The following SNRNP48 variants were observed in gnomAD, a reference collection of about 807,000 sequenced individuals.
SNRNP48 encodes the protein small nuclear ribonucleoprotein U11/U12 subunit 48, also known as U11/U12 small nuclear ribonucleoprotein 48 kDa protein.
A neutral mutation model predicts 47.0 loss-of-function variants in SNRNP48; 43 were observed. The observed-to-expected ratio is 0.92, with a 90% CI of 0.72 to 1.18. The LOEUF is 1.18. Among genes scored for constraint, SNRNP48 ranks in the 50% most tolerant of loss-of-function variants. SNRNP48 has a pLI of 0.00. For synonymous variants in SNRNP48, 138 were observed against 144.0 expected (o/e 0.96, Z 0.30); for missense variants, 396 against 422.2 (o/e 0.94, Z 0.54).
intron 3 of SNRNP48, 40 bp from the exon 4 acceptor site, chr6:7,594,987 T>G: frequency 6.6e-7 from 1 of 1,514,202 alleles, no homozygotes; most frequent in Non-Finnish European, 9.0e-7. Flanking sequence ...TGGTCACTGA[T>G]GATTCATATT....
Position 7,609,002 on chromosome 6 carries a change from A to G in SNRNP48, c.*129A>G. On this transcript the variant is annotated 3_prime_UTR_variant, in exon 9 of 9. Transcript: ENST00000342415. Reference sequence around the variant, plus strand: ...TTTAGTGCTTATTATTTTTTTTATGATCTGTTTAGTGCTTATTATTTTCCA... The same window carrying G: ...TTTAGTGCTTATTATTTTTTTTATGGTCTGTTTAGTGCTTATTATTTTCCA... The G allele has an allele frequency of 2.2e-6, 1 of 447,878 alleles. No individual in the cohort carries two copies. The highest frequency in any genetic ancestry group is 3.9e-6 in the Non-Finnish European group (1 of 257,918). The allele number at this position is 447,878 out of a possible 1,614,324, so 27.7% of individuals were successfully genotyped here. A position where few individuals can be genotyped will look rare whatever the true frequency, so the allele number is the denominator to read the frequency against.
chr6:7,590,365 G>C lies in SNRNP48; in HGVS notation c.108G>C (p.Leu36=). Residue 36 remains leucine, a synonymous_variant, in exon 1 of 9, where the codon CTG becomes CTC. Coordinates refer to ENST00000342415, the MANE Select transcript of SNRNP48 (RefSeq NM_152551.4). ...CGTTGGAGGAGGTGACCGCGTCCCT[G>C]GGCTGGGACCTAGATAGTCTGGATC... ...CRTLEEVTAS[L]GWDLDSLDPG... is the part of the protein sequence containing the mutation. 3 of 1,379,344 alleles carry C rather than the reference G, an allele frequency of 2.2e-6. No individual in the cohort carries two copies. Among genetic ancestry groups the C allele is most frequent in the Non-Finnish European group, 2.8e-6 (3 of 1,053,392 alleles). 85.4% of individuals were successfully genotyped at this position (1,379,344 alleles called of 1,614,324 possible).
At chr6:7,597,835 T>C (rs1391756165) in intron 4 of SNRNP48, among the ~76,000 whole-genome samples, 1 of 151,886 alleles carries the variant, frequency 6.6e-6, no homozygotes, top group Admixed American at 6.6e-5. Flanking sequence ...TTACACTATC[T>C]TAAATTAAGA....
chr6:7,597,534 A>G (rs1759924855), intron 4 of SNRNP48, among the ~76,000 whole-genome samples: 2 of 152,196 alleles, frequency 1.3e-5, no homozygotes, highest in Admixed American at 1.3e-4. Flanking sequence ...AGTTGTTGAG[A>G]GGAACAGAGA....
At chr6:7,600,195 T>C in intron 4 of SNRNP48, 1 of 987,060 alleles carries the variant, frequency 1.0e-6, no homozygotes, top group South Asian at 4.7e-5. Context: ...TGTATAGCCG[T>C]GTTAAACCAT....
intron 4 of SNRNP48, among the ~76,000 whole-genome samples, chr6:7,596,044 A>T (rs778770976): frequency 9.2e-5 from 14 of 152,206 alleles, no homozygotes; most frequent in Non-Finnish European, 1.8e-4. Context: ...CAGGTGGATC[A>T]TCTGAGGTCA....
chr6:7,596,255 GACTCC>G (rs1759903097), intron 4 of SNRNP48, among the ~76,000 whole-genome samples: 1 of 150,338 alleles, frequency 6.7e-6, no homozygotes, highest in Admixed American at 6.6e-5. Flanking sequence ...AACAGAGCGA[GACTCC>G]ATCTCAAAAA....
chr6:7,597,519 C>T (rs1287891535), intron 4 of SNRNP48, among the ~76,000 whole-genome samples: 1 of 151,844 alleles, frequency 6.6e-6, no homozygotes, highest in African/African-American at 2.4e-5. Flanking sequence ...ACAAAACTCT[C>T]ATAGAGTTGT....
At chr6:7,597,085 C>G (rs1485339904) in intron 4 of SNRNP48, among the ~76,000 whole-genome samples, 3 of 152,160 alleles carry the variant, frequency 2.0e-5, no homozygotes, top group African/African-American at 7.2e-5. Flanking sequence ...TTATGAATTA[C>G]ATTTCTCTTT....
rs1436201749 is a variant in SNRNP48, at chr6:7,610,009, A to G, written c.*1136A>G. The G allele has an allele frequency of 6.6e-6, 1 of 152,200 alleles. No individual in the cohort carries two copies. The highest frequency in any genetic ancestry group is 1.9e-4 in the East Asian group (1 of 5,200). The allele number at this position is 152,200 out of a possible 1,614,324, so 9.4% of individuals were successfully genotyped here. A position where few individuals can be genotyped will look rare whatever the true frequency, so the allele number is the denominator to read the frequency against. On this transcript the variant is annotated 3_prime_UTR_variant, in exon 9 of 9. Coordinates refer to ENST00000342415, the MANE Select transcript of SNRNP48 (RefSeq NM_152551.4). Reference sequence around the variant, plus strand: ...AGAATTCATGTAAATAGAATACTGTAGTATGTACTTTGCCTTCTTCCTCTC... The same window carrying G: ...AGAATTCATGTAAATAGAATACTGTGGTATGTACTTTGCCTTCTTCCTCTC...
chr6:7,603,282 ATTAT>A (rs1326611277), intron 6 of SNRNP48, among the ~76,000 whole-genome samples: 2 of 152,132 alleles, frequency 1.3e-5, no homozygotes, highest in Non-Finnish European at 2.9e-5. Context: ...CTTGATATAC[ATTAT>A]TTATGTATTA....
chr6:7,597,727 C>T (rs1759928245), intron 4 of SNRNP48, among the ~76,000 whole-genome samples: 3 of 152,042 alleles, frequency 2.0e-5, no homozygotes, highest in African/African-American at 7.2e-5. Context: ...GGACATTGAG[C>T]TTAGTTCTTT....
intron 1 of SNRNP48, among the ~76,000 whole-genome samples, chr6:7,590,729 G>A (rs2113711595): frequency 1.3e-5 from 2 of 152,350 alleles, no homozygotes; most frequent in East Asian, 3.9e-4. Context: ...TGTAATCCTA[G>A]CACTTTGAGA....
In SNRNP48 at chr6:7,602,694, C is replaced by T; in HGVS notation, c.667C>T (p.Gln223Ter). Residue 223 changes from glutamine (Q) to a stop codon, truncating the protein, a stop_gained, in exon 6 of 9, where the codon CAG (glutamine) becomes TAG (stop). Coordinates refer to ENST00000342415, the MANE Select transcript of SNRNP48 (RefSeq NM_152551.4). LOFTEE classifies it high-confidence loss of function. ...AEVRDYKRRR[Q>*]SYRAKNVHIT... Reference sequence around the variant, plus strand: ...AGTACGAGATTATAAAAGAAGACGCCAGTCCTATAGAGCCAAGAATGTTCA... The same window carrying T: ...AGTACGAGATTATAAAAGAAGACGCTAGTCCTATAGAGCCAAGAATGTTCA... The T allele has an allele frequency of 6.2e-7, 1 of 1,604,560 alleles. No individual in the cohort carries two copies. Among genetic ancestry groups the T allele is most frequent in the Non-Finnish European group, 8.5e-7 (1 of 1,175,896 alleles).
chr6:7,593,616 C>G, intron 1 of SNRNP48, 118 bp from the exon 2 acceptor site: 1 of 526,994 alleles, frequency 1.9e-6, no homozygotes, highest in Non-Finnish European at 3.1e-6. Flanking sequence ...TGAGAGAGGC[C>G]TGTAGAAGAG....
In SNRNP48 at chr6:7,609,012, T is replaced by C; in HGVS notation, c.*139T>C. On this transcript the variant is annotated 3_prime_UTR_variant, in exon 9 of 9. Coordinates refer to ENST00000342415, the MANE Select transcript of SNRNP48 (RefSeq NM_152551.4). ...ATTATTTTTTTTATGATCTGTTTAG[T>C]GCTTATTATTTTCCAGTAAATATGC... 2.5e-6 allele frequency: 1 copy of C among 402,382 alleles called. No homozygotes were observed. 24.9% of individuals were successfully genotyped at this position (402,382 alleles called of 1,614,324 possible).
chr6:7,606,535 T>C (rs1028939232), intron 8 of SNRNP48, among the ~76,000 whole-genome samples: 1 of 152,246 alleles, frequency 6.6e-6, no homozygotes, highest in Non-Finnish European at 1.5e-5. Context: ...CATTCCTTCC[T>C]TCCTCTTTCT....
Position 7,605,440 on chromosome 6 carries a change from A to T in SNRNP48, c.760A>T (p.Asn254Tyr). Residue 254 changes from asparagine (N) to tyrosine (Y), a missense_variant, in exon 7 of 9, where the codon AAT becomes TAT. Asn to Tyr is a moderately radical substitution (Grantham distance 143, BLOSUM62 -2). Coordinates refer to ENST00000342415, the MANE Select transcript of SNRNP48 (RefSeq NM_152551.4). ...VINVHMEELS[N>Y]HWQEEQEKAE... ...AAATGTGCACATGGAAGAACTCAGCAATCATTGGCAAGAAGAGCAAGAGAA... is the reference window on the plus strand; with the variant it reads ...AAATGTGCACATGGAAGAACTCAGCTATCATTGGCAAGAAGAGCAAGAGAA... The T allele has an allele frequency of 6.2e-7, 1 of 1,614,158 alleles. No individual in the cohort carries two copies.
At chr6:7,603,608 T>A (rs1760071978) in intron 6 of SNRNP48, among the ~76,000 whole-genome samples, 1 of 152,244 alleles carries the variant, frequency 6.6e-6, no homozygotes, top group Non-Finnish European at 1.5e-5. Flanking sequence ...GCTCTGTTTT[T>A]GCCATTTTAA....
Sources: gnomAD v4.1 joint callset for allele counts (sites outside exome capture counted in the v4.1 genomes callset) on GRCh38, gnomAD v4.1.1 for gene constraint, MANE v1.5 for transcripts, NCBI Gene and HGNC (gene_info 2026-07-23, HGNC 2026-07-21) for gene names.